ANK1: variants seen among roughly 807,000 people sequenced by gnomAD.
ANK1 encodes the protein ankyrin 1.
In ANK1, 51 loss-of-function variants were observed where a neutral mutation model predicts 210.4. The ratio of observed to expected loss-of-function variants is 0.24; its 90% CI spans 0.19 to 0.31. The LOEUF is 0.31. ANK1 is among the 10% of genes least tolerant of loss of function. ANK1 has a pLI of 1.00. For synonymous variants in ANK1, 967 were observed against 1,025.9 expected, an observed-to-expected ratio of 0.94 and a Z score of 1.10; for missense variants, 2,051 against 2,504.4, an observed-to-expected ratio of 0.82 and a Z score of 3.86.
chr8:41,794,511 C>T (rs1450510730), intron 1 of ANK1, among the ~76,000 whole-genome samples: 1 of 152,168 alleles, frequency 6.6e-6, no homozygotes, highest in Non-Finnish European at 1.5e-5. Context: ...AATAACAGGA[C>T]TGACTTTTCA....
chr8:41,715,692 G>T lies in ANK1; in HGVS notation c.1562C>A (p.Ala521Asp), dbSNP rs368231311. The change falls in exon 14 of 43, where the codon GCC becomes GAC. Residue 521 changes from alanine (A) to aspartate (D), a missense_variant. This residue lies in a region of ANK1 where 1,413 missense variants were observed against 1,707.4 expected (regional missense o/e 0.83). Coordinates refer to ENST00000289734, the MANE Select transcript of ANK1 (RefSeq NM_000037.4). ...CTGGGATGCTTCCTTTTCCAGAAGG[G>T]CCAGGACTGTTTCCACATGGCCCTC... Reference protein sequence around the residue: ...AREGHVETVLALLEKEASQAC... With the variant: ...AREGHVETVLDLLEKEASQAC... 15 of 1,613,840 alleles carry T rather than the reference G, an allele frequency of 9.3e-6. No individual in the cohort carries two copies. Among genetic ancestry groups the T allele is most frequent in the Non-Finnish European group, 1.1e-5 (13 of 1,180,036 alleles).
At chr8:41,701,239 C>T (rs914525013) in intron 22 of ANK1, among the ~76,000 whole-genome samples, 11 of 152,184 alleles carry the variant, frequency 7.2e-5, no homozygotes, top group African/African-American at 4.8e-5. Flanking sequence ...CCTCATGGTG[C>T]GGAGACTTGA....
intron 1 of ANK1, among the ~76,000 whole-genome samples, chr8:41,870,543 C>G (rs1815271816): frequency 6.6e-6 from 1 of 152,210 alleles, no homozygotes; most frequent in Admixed American, 6.5e-5. Context: ...TAAGCTCTAG[C>G]CCCATGGATC....
intron 1 of ANK1, among the ~76,000 whole-genome samples, chr8:41,888,365 T>G (rs915572409): frequency 6.6e-6 from 1 of 152,224 alleles, no homozygotes; most frequent in African/African-American, 2.4e-5. Flanking sequence ...GCAAATGTGA[T>G]ACCGCACATT....
intron 1 of ANK1, among the ~76,000 whole-genome samples, chr8:41,843,682 A>G (rs1809467027): frequency 6.6e-6 from 1 of 152,012 alleles, no homozygotes; most frequent in Non-Finnish European, 1.5e-5. Context: ...TGTTCACCAA[A>G]CCCCACAATG....
intron 1 of ANK1, among the ~76,000 whole-genome samples, chr8:41,848,953 G>GC (rs1259815515): frequency 6.6e-6 from 1 of 152,142 alleles, no homozygotes; most frequent in Non-Finnish European, 1.5e-5. Flanking sequence ...GGTGCGACCT[G>GC]CCCCCATCCA....
At chr8:41,712,091 AT>A (rs563016684) in intron 16 of ANK1, among the ~76,000 whole-genome samples, 2 of 151,886 alleles carry the variant, frequency 1.3e-5, no homozygotes, top group Non-Finnish European at 2.9e-5. Flanking sequence ...TGCCCGGCTA[AT>A]TTTTGTATTT....
At chr8:41,895,550 T>A (rs1820320379) in intron 1 of ANK1, among the ~76,000 whole-genome samples, 1 of 152,086 alleles carries the variant, frequency 6.6e-6, no homozygotes, top group Non-Finnish European at 1.5e-5. Context: ...TTTGCGGGCC[T>A]ATTTTGTCTC....
chr8:41,873,968 C>T (rs373526036), intron 1 of ANK1, among the ~76,000 whole-genome samples: 13 of 152,340 alleles, frequency 8.5e-5, no homozygotes, highest in East Asian at 1.9e-4. Context: ...CACACACAAA[C>T]GCACATGCAC....
At chr8:41,767,635 C>A (rs889653966) in intron 1 of ANK1, among the ~76,000 whole-genome samples, 12 of 152,148 alleles carry the variant, frequency 7.9e-5, no homozygotes, top group African/African-American at 2.4e-4. Context: ...GAGCAGGCAC[C>A]TGCTGCCAAG....
At chr8:41,658,295 C>T (rs569607290) in intron 42 of ANK1, among the ~76,000 whole-genome samples, 11 of 152,288 alleles carry the variant, frequency 7.2e-5, no homozygotes, top group African/African-American at 2.4e-4. Flanking sequence ...TGACTTGCTC[C>T]GAGTCACACT....
rs140964621 is a variant in ANK1 at position 41,694,631 on chromosome 8, C to T, written c.3288G>A (p.Pro1096=). Reference sequence around the variant, plus strand: ...TCACTCTCTTGGTGACGGCATTCTCCGGGAACGTTGCCTGTACCAGGGGCA... The same window carrying T: ...TCACTCTCTTGGTGACGGCATTCTCTGGGAACGTTGCCTGTACCAGGGGCA... ...KLVPLVQATF[P]ENAVTKRVKL... The change falls in exon 28 of 43, where the codon CCG becomes CCA. Residue 1096 remains proline (P), a synonymous_variant. Coordinates refer to ENST00000289734, the MANE Select transcript of ANK1 (RefSeq NM_000037.4). This position sits in a 1 kb window ranked among gnomAD's most constrained non-coding sequence, Gnocchi z 5.7. The T allele has an allele frequency of 2.1e-4, 341 of 1,614,000 alleles. No individual in the cohort carries two copies. The highest frequency in any genetic ancestry group is 3.6e-4 in the South Asian group (33 of 91,078).
chr8:41,718,069 C>T (rs761115873), intron 11 of ANK1, 37 bp downstream of exon 11: 1 of 1,599,074 alleles, frequency 6.3e-7, no homozygotes, highest in Non-Finnish European at 8.6e-7. Context: ...GGGGAGACCA[C>T]AGGCCTGCCC....
At chr8:41,718,598 T>G (rs1481200539) in intron 10 of ANK1, among the ~76,000 whole-genome samples, 2 of 152,342 alleles carry the variant, frequency 1.3e-5, no homozygotes, top group African/African-American at 4.8e-5. Flanking sequence ...TTTAGTGAAA[T>G]GGATTTCTGC....
In ANK1 at chr8:41,778,839, G is replaced by A. The variant is rs564022545; in HGVS notation, c.27+18673C>T. Among the ~76,000 whole-genome samples the A allele has an allele frequency of 1.3e-4, 20 of 152,346 alleles. No individual in the cohort carries two copies. In the East Asian group the frequency reaches 2.9e-3, roughly 22 times the overall value. On this transcript the variant is annotated intron_variant, in intron 1 of 42. Transcript: ENST00000289734. ...TAAAAATTATGTGTGTGCCTGTGGA[G>A]GGGTCAGGCCTTGTTTAGGATCCGA...
intron 1 of ANK1, among the ~76,000 whole-genome samples, chr8:41,831,257 C>T (rs7460807): frequency 0.047 from 7,163 of 152,170 alleles, 497 homozygotes; most frequent in African/African-American, 0.15. Context: ...CAGCTGCGGG[C>T]GCTCATACCT....
At chr8:41,684,984 A>G (rs1817305476) in intron 36 of ANK1, among the ~76,000 whole-genome samples, 1 of 152,184 alleles carries the variant, frequency 6.6e-6, no homozygotes, top group East Asian at 1.9e-4. Context: ...CCCAGGCTGG[A>G]GTGCAATGGG....
intron 1 of ANK1, among the ~76,000 whole-genome samples, chr8:41,780,728 G>T (rs916635966): frequency 6.6e-6 from 1 of 152,194 alleles, no homozygotes; most frequent in African/African-American, 2.4e-5. Flanking sequence ...GTGTGCATGC[G>T]TGCATGTGTA....
intron 9 of ANK1, 37 bp downstream of exon 9, chr8:41,723,088 G>A (rs761389069): frequency 1.3e-6 from 2 of 1,593,256 alleles, no homozygotes; most frequent in African/African-American, 1.3e-5. Context: ...CTGGAGCCCT[G>A]TCTAGAAAAT....
Sources: allele counts gnomAD v4.1 joint callset (sites outside exome capture counted in the v4.1 genomes callset), GRCh38; gene constraint gnomAD v4.1.1; regional missense constraint gnomAD v4.1.1; non-coding constraint Gnocchi (gnomAD v3.1); transcripts MANE v1.5; gene names NCBI Gene and HGNC (gene_info 2026-07-23, HGNC 2026-07-21).